Variants in BUB1B observed in about 807,000 individuals in gnomAD.
BUB1B encodes the protein BUB1 mitotic checkpoint serine/threonine kinase B.
A neutral mutation model predicts 137.7 loss-of-function variants in BUB1B; 86 were observed. That is an observed-to-expected ratio of 0.62 (90% confidence interval 0.52 to 0.75). The LOEUF (loss-of-function observed/expected upper bound fraction) is 0.75. BUB1B is among the 30% of genes least tolerant of loss of function. The pLI, the probability that BUB1B is intolerant of heterozygous loss-of-function variation, is 0.00. For synonymous variants in BUB1B, 420 were observed against 417.9 expected (o/e 1.00, Z -0.06); for missense variants, 1,130 against 1,236.9 (o/e 0.91, Z 1.30).
intron 1 of BUB1B, among the ~76,000 whole-genome samples, chr15:40,162,684 A>G (rs1477480216): frequency 6.6e-6 from 1 of 152,196 alleles, no homozygotes; most frequent in Non-Finnish European, 1.5e-5. Flanking sequence ...GAAGAATGGG[A>G]TTGCCATTTA....
At chr15:40,200,904 CAT>C in intron 11 of BUB1B, 25 bp from the exon 12 acceptor site, 1 of 1,609,402 alleles carries the variant, frequency 6.2e-7, no homozygotes, top group African/African-American at 1.3e-5. Context: ...GTATTGAGCA[CAT>C]GATTTAAAAC....
At chr15:40,180,465 C>A (rs2037275220) in intron 5 of BUB1B, among the ~76,000 whole-genome samples, 1 of 151,356 alleles carries the variant, frequency 6.6e-6, no homozygotes, top group Non-Finnish European at 1.5e-5. Flanking sequence ...GGGGTTTCAT[C>A]ACATTGGCCA....
At chr15:40,189,100 T>G (rs2037405982) in intron 8 of BUB1B, among the ~76,000 whole-genome samples, 1 of 152,148 alleles carries the variant, frequency 6.6e-6, no homozygotes, top group Non-Finnish European at 1.5e-5. Flanking sequence ...TATAGATAAT[T>G]TACCAATTCT....
At chr15:40,187,292 A>AT (rs2037379167) in intron 8 of BUB1B, among the ~76,000 whole-genome samples, 1 of 151,796 alleles carries the variant, frequency 6.6e-6, no homozygotes, top group African/African-American at 2.4e-5. Flanking sequence ...CGCCTGGCTA[A>AT]TTTTTTCTAT....
chr15:40,206,614 T>C (rs1254824279), intron 15 of BUB1B, among the ~76,000 whole-genome samples, 156 bp downstream of exon 15: 1 of 152,198 alleles, frequency 6.6e-6, no homozygotes, highest in East Asian at 1.9e-4. Context: ...AGATGAAGTG[T>C]CAATGGGATT....
chr15:40,161,369 C>A, intron 1 of BUB1B, 114 bp downstream of exon 1: 1 of 1,188,034 alleles, frequency 8.4e-7, no homozygotes, highest in Non-Finnish European at 1.1e-6. Context: ...CAGAACAGAC[C>A]CCACCGGAGC....
chr15:40,212,792 T>C (rs1293464553), intron 19 of BUB1B, 144 bp downstream of exon 19: 1 of 842,986 alleles, frequency 1.2e-6, no homozygotes, highest in Non-Finnish European at 1.8e-6. Context: ...GATAATTTTC[T>C]CGTTATTTTG....
intron 12 of BUB1B, among the ~76,000 whole-genome samples, chr15:40,201,854 A>G (rs2037574444): frequency 6.6e-6 from 1 of 151,898 alleles, no homozygotes; most frequent in African/African-American, 2.4e-5. Flanking sequence ...TATTTTTAGT[A>G]GAGACGGGGT....
intron 4 of BUB1B, among the ~76,000 whole-genome samples, chr15:40,174,987 T>A (rs1289997757): frequency 6.6e-6 from 1 of 152,022 alleles, no homozygotes; most frequent in Non-Finnish European, 1.5e-5. Context: ...AAAAATGCTA[T>A]TTTTATGTGA....
intron 12 of BUB1B, among the ~76,000 whole-genome samples, chr15:40,202,026 T>TTC (rs2037577722): frequency 1.3e-5 from 2 of 152,188 alleles, no homozygotes; most frequent in Non-Finnish European, 2.9e-5. Flanking sequence ...TGATATTATA[T>TTC]ATATATTCAT....
chr15:40,167,583 C>T (rs558452345), intron 2 of BUB1B, among the ~76,000 whole-genome samples: 107 of 152,126 alleles, frequency 7.0e-4, no homozygotes, highest in African/African-American at 2.4e-3. Flanking sequence ...TCAGGTGATC[C>T]GCCCGCCTCG....
chr15:40,202,500 A>G, intron 13 of BUB1B, 35 bp downstream of exon 13: 1 of 1,581,918 alleles, frequency 6.3e-7, no homozygotes, highest in Non-Finnish European at 8.7e-7. Flanking sequence ...GTTTTTTTTT[A>G]CTTAAGAATT....
Position 40,185,180 on chromosome 15 carries a change from G to T in BUB1B, c.767G>T (p.Arg256Ile), listed in dbSNP as rs531786139. 1.5e-5 allele frequency: 25 copies of T among 1,613,818 alleles called. No homozygotes were observed. Among genetic ancestry groups the T allele is most frequent in the Non-Finnish European group, 2.0e-5 (24 of 1,179,918 alleles). ...GGALKAPSQNRGLQNPFPQQM... is the reference protein window; with the variant it reads ...GGALKAPSQNIGLQNPFPQQM... Reference sequence around the variant, plus strand: ...TTGCTCCTAGCTCCAAGCCAGAACAGAGGACTCCAAAATCCATTTCCTCAA... The same window carrying T: ...TTGCTCCTAGCTCCAAGCCAGAACATAGGACTCCAAAATCCATTTCCTCAA... Residue 256 changes from arginine to isoleucine, a missense_variant, in exon 7 of 23, where the codon AGA becomes ATA. Physicochemically the swap from Arg to Ile is moderately conservative, Grantham distance 97. Coordinates refer to ENST00000287598, the MANE Select transcript of BUB1B (RefSeq NM_001211.6).
At chr15:40,193,463 TACC>T (rs2037461139) in intron 8 of BUB1B, among the ~76,000 whole-genome samples, 1 of 149,710 alleles carries the variant, frequency 6.7e-6, no homozygotes, top group Admixed American at 6.6e-5. Flanking sequence ...ATATGCTTAT[TACC>T]ACTTTTTTTT....
At chr15:40,172,350 A>G (rs2037174150) in intron 4 of BUB1B, among the ~76,000 whole-genome samples, 1 of 152,174 alleles carries the variant, frequency 6.6e-6, no homozygotes, top group Admixed American at 6.5e-5. Flanking sequence ...CACCCAGTTG[A>G]AAGTCTGCAT....
chr15:40,219,593 G>T (rs917341080), intron 22 of BUB1B, among the ~76,000 whole-genome samples: 4 of 152,134 alleles, frequency 2.6e-5, no homozygotes, highest in Non-Finnish European at 2.9e-5. Flanking sequence ...GGTGGCACAT[G>T]CCTGTAATCC....
intron 12 of BUB1B, among the ~76,000 whole-genome samples, chr15:40,201,768 G>A (rs915691060): frequency 2.6e-5 from 4 of 152,150 alleles, no homozygotes; most frequent in African/African-American, 9.7e-5. Flanking sequence ...CTGGGTTCAT[G>A]CCATTCTCTT....
intron 8 of BUB1B, among the ~76,000 whole-genome samples, chr15:40,187,270 C>T (rs969501399): frequency 3.3e-5 from 5 of 151,982 alleles, no homozygotes; most frequent in Admixed American, 6.6e-5. Context: ...GGACTACAGG[C>T]GCCTGCCACC....
chr15:40,206,047 A>C, intron 14 of BUB1B, 137 bp from the exon 15 acceptor site: 3 of 862,400 alleles, frequency 3.5e-6, no homozygotes, highest in Non-Finnish European at 5.4e-6. Context: ...TGATATAAAA[A>C]CCTTTTTATA....
Sources: gnomAD v4.1 joint callset for allele counts (sites outside exome capture counted in the v4.1 genomes callset) on GRCh38, gnomAD v4.1.1 for gene constraint, MANE v1.5 for transcripts, NCBI Gene and HGNC (gene_info 2026-07-23, HGNC 2026-07-21) for gene names.